Variants in MGAM observed in about 807,000 individuals in gnomAD.
MGAM encodes maltase-glucoamylase, also known as alpha-1,4-glucosidase.
Under a neutral mutation model 358.8 loss-of-function variants are expected in MGAM, and 253 were observed. That is an observed-to-expected ratio of 0.71 (90% CI 0.64 to 0.78). MGAM has a LOEUF of 0.78. MGAM is among the 30% of genes least tolerant of loss of function. The pLI is 0.00. For missense variants in MGAM, 3,080 were observed against 3,432.6 expected, an observed-to-expected ratio of 0.90 and a Z score of 2.57; for synonymous variants, 1,105 against 1,227.1, an observed-to-expected ratio of 0.90 and a Z score of 2.08.
intron 13 of MGAM, 85 bp downstream of exon 13, chr7:142,031,878 G>T: frequency 1.1e-6 from 1 of 883,464 alleles, no homozygotes; most frequent in Non-Finnish European, 1.8e-6. Flanking sequence ...ACAGAGCATA[G>T]GGAGAGGAGG....
At chr7:142,095,352 A>G (rs941806935) in intron 63 of MGAM, among the ~76,000 whole-genome samples, 4 of 152,234 alleles carry the variant, frequency 2.6e-5, no homozygotes, top group African/African-American at 9.6e-5. Flanking sequence ...AAAATATACC[A>G]AAAAGAATGT....
At chr7:142,035,826 G>T (rs1158123640) in intron 16 of MGAM, among the ~76,000 whole-genome samples, 4 of 152,030 alleles carry the variant, frequency 2.6e-5, no homozygotes, top group Admixed American at 2.0e-4. Flanking sequence ...ATAGTGGTGA[G>T]GTCAAAATAA....
Position 142,077,349 on chromosome 7 carries a change from G to GGAGTGT in MGAM, c.5493+524_5493+525insAGTGTG, listed in dbSNP as rs1226340256. On this transcript the variant is annotated intron_variant, in intron 47 of 70. Coordinates refer to ENST00000475668, the MANE Select transcript of MGAM (RefSeq NM_001365693.1). ...GTGAGCATTGTTGGGAGTGGGAGTGGGGGCTGGGGACTAGTAGAACAGGGA... is the reference window on the plus strand; with the variant it reads ...GTGAGCATTGTTGGGAGTGGGAGTGGGAGTGTGGGCTGGGGACTAGTAGAACAGGGA... Among the ~76,000 whole-genome samples the GGAGTGT allele has an allele frequency of 1.4e-5, 2 of 145,152 alleles. 1 individual carries two copies. The highest frequency in any genetic ancestry group is 3.1e-5 in the Non-Finnish European group (2 of 64,108).
At chr7:142,081,854 A>C (rs1452727595) in intron 50 of MGAM, among the ~76,000 whole-genome samples, 188 bp from the exon 51 acceptor site, 1 of 145,788 alleles carries the variant, frequency 6.9e-6, no homozygotes, top group African/African-American at 2.4e-5. Flanking sequence ...GAAACAGATG[A>C]ATGAAGAACT....
chr7:142,098,764 A>G (rs913885001), intron 66 of MGAM, among the ~76,000 whole-genome samples: 24 of 152,180 alleles, frequency 1.6e-4, no homozygotes, highest in South Asian at 4.1e-4. Context: ...TCTCCCATTC[A>G]CTAACAGAAG....
Position 142,041,918 on chromosome 7 carries a change from TATA to T in MGAM, c.2498+1076_2498+1078del, listed in dbSNP as rs1378824392. 9.0e-3 allele frequency among the ~76,000 whole-genome samples: 170 copies of T among 18,910 alleles called. 6 individuals are homozygous for T. The highest frequency in any genetic ancestry group is 0.042 in the Middle Eastern group (2 of 48). 12.4% of individuals were successfully genotyped at this position (18,910 alleles called of 152,430 possible). ...ATAATATATATATTATATATATACG[TATA>T]ATATATAATATATATATTATATATA... On this transcript the variant is annotated intron_variant, in intron 21 of 70. Coordinates refer to ENST00000475668, the MANE Select transcript of MGAM (RefSeq NM_001365693.1).
chr7:142,059,731 G>T, intron 32 of MGAM, 125 bp from the exon 33 acceptor site: 2 of 1,572,126 alleles, frequency 1.3e-6, no homozygotes, highest in Non-Finnish European at 1.7e-6. Context: ...TATTTCCCAG[G>T]ACTCACAGAA....
chr7:142,029,790 G>A (rs1006105714), intron 10 of MGAM, among the ~76,000 whole-genome samples: 1 of 152,162 alleles, frequency 6.6e-6, no homozygotes, highest in Non-Finnish European at 1.5e-5. Flanking sequence ...TAGTCTTCTA[G>A]AATAATCCTC....
intron 1 of MGAM, among the ~76,000 whole-genome samples, chr7:142,001,836 C>G (rs1554450754): frequency 6.6e-6 from 1 of 152,138 alleles, no homozygotes; most frequent in African/African-American, 2.4e-5. Context: ...TTACCCAGGA[C>G]CCATTACCTG....
At chr7:142,102,864 C>T (rs1816557786) in intron 69 of MGAM, among the ~76,000 whole-genome samples, 185 bp downstream of exon 69, 1 of 152,232 alleles carries the variant, frequency 6.6e-6, no homozygotes, top group Non-Finnish European at 1.5e-5. Context: ...TGCAATTAAA[C>T]CTATCCACAT....
chr7:142,008,058 G>T (rs1291935663), intron 2 of MGAM, among the ~76,000 whole-genome samples: 2 of 152,152 alleles, frequency 1.3e-5, no homozygotes, highest in Admixed American at 6.6e-5. Context: ...ACTTAATTTT[G>T]CCCTAGTAGC....
chr7:142,037,718 C>T (rs1554466551), intron 18 of MGAM, among the ~76,000 whole-genome samples: 1 of 152,040 alleles, frequency 6.6e-6, no homozygotes, highest in Admixed American at 6.6e-5. Flanking sequence ...TGATAGTCAG[C>T]TGAAGTTATG....
chr7:142,068,471 A>G (rs1172025218), intron 42 of MGAM, among the ~76,000 whole-genome samples, 176 bp from the exon 43 acceptor site: 2 of 145,704 alleles, frequency 1.4e-5, no homozygotes, highest in Non-Finnish European at 3.1e-5. Context: ...TGGGTAGACA[A>G]ATCTCTGGTT....
rs1330478124 is a variant in MGAM, at chr7:142,043,670, A to C, written c.2498+2824A>C. ...ATCTAATATATAATACATATATTAT[A>C]TATACATATACTATCTAATATATAA... On this transcript the variant is annotated intron_variant, in intron 21 of 70. Transcript: ENST00000475668. 2.2e-5 allele frequency among the ~76,000 whole-genome samples: 3 copies of C among 135,944 alleles called. No homozygotes were observed. The East Asian group carries it at 6.4e-4, about 29-fold the overall frequency. 89.2% of individuals were successfully genotyped at this position (135,944 alleles called of 152,430 possible). A position where few individuals can be genotyped will look rare whatever the true frequency, so the allele number is the denominator to read the frequency against.
At chr7:142,059,992 A>G (rs757414120) in intron 33 of MGAM, 26 bp downstream of exon 33, 1 of 1,570,134 alleles carries the variant, frequency 6.4e-7, no homozygotes, top group South Asian at 1.2e-5. Context: ...ATGATCCACT[A>G]GTCCCCAGCC....
intron 26 of MGAM, 82 bp downstream of exon 26, chr7:142,053,066 A>T: frequency 7.0e-7 from 1 of 1,429,110 alleles, no homozygotes; most frequent in African/African-American, 1.4e-5. Context: ...ACAGAACCCT[A>T]AAATAAGTTA....
chr7:142,056,719 TTAC>T, intron 29 of MGAM, 108 bp from the exon 30 acceptor site: 1 of 1,006,428 alleles, frequency 9.9e-7, no homozygotes, highest in Non-Finnish European at 1.5e-6. Context: ...ATGCCTGCTG[TTAC>T]TACTCTATGA....
chr7:142,044,213 A>G (rs1184948016), intron 21 of MGAM, among the ~76,000 whole-genome samples: 1 of 114,628 alleles, frequency 8.7e-6, no homozygotes, highest in Admixed American at 1.1e-4. Flanking sequence ...TATACATTAT[A>G]TACACATACG....
chr7:142,088,699 C>CT lies in MGAM; in HGVS notation c.6810+1982_6810+1983insT, dbSNP rs1815009016. ...CTATCTATCTATCTATCTATCTATC[C>CT]ATCCAGCCACCCTATTCATTTATGT... is the stretch of plus-strand genomic sequence containing the variant. On this transcript the variant is annotated intron_variant, in intron 57 of 70. Transcript: ENST00000475668. Among the ~76,000 whole-genome samples the CT allele has an allele frequency of 3.4e-5, 4 of 116,766 alleles. 1 individual carries two copies. Among genetic ancestry groups the CT allele is most frequent in the Middle Eastern group, 9.2e-3 (2 of 218 alleles). The allele number at this position is 116,766 out of a possible 152,430, so 76.6% of individuals were successfully genotyped here.
Sources: allele counts gnomAD v4.1 joint callset (sites outside exome capture counted in the v4.1 genomes callset), GRCh38; gene constraint gnomAD v4.1.1; transcripts MANE v1.5; gene names NCBI Gene and HGNC (gene_info 2026-07-23, HGNC 2026-07-21).